ASAP2: variants seen among roughly 807,000 people sequenced by gnomAD.
ASAP2 encodes the protein arf-GAP with SH3 domain, ANK repeat and PH domain-containing protein 2.
ASAP2 carries 45 observed loss-of-function variants against 131.4 expected under a neutral mutation model. The ratio of observed to expected loss-of-function variants is 0.34; its 90% CI spans 0.27 to 0.44. The LOEUF is 0.44. ASAP2 is among the 20% of genes least tolerant of loss of function. The pLI is 1.00. For missense variants in ASAP2, 1,011 were observed against 1,297.0 expected, an observed-to-expected ratio of 0.78 and a Z score of 3.39; for synonymous variants, 510 against 503.0, an observed-to-expected ratio of 1.01 and a Z score of -0.19.
At chr2:9,369,927 C>T (rs1305637460) in intron 16 of ASAP2, among the ~76,000 whole-genome samples, 6 of 152,208 alleles carry the variant, frequency 3.9e-5, no homozygotes, top group South Asian at 2.1e-4. Context: ...CTGCAGCATC[C>T]GCCTCCTGGG....
chr2:9,263,140 C>T (rs1665694825), intron 1 of ASAP2, among the ~76,000 whole-genome samples: 1 of 152,198 alleles, frequency 6.6e-6, no homozygotes, highest in South Asian at 2.1e-4. Context: ...TTTCCACTGT[C>T]TCGGTGTCCC....
At chr2:9,288,593 G>A (rs1667611388) in intron 2 of ASAP2, among the ~76,000 whole-genome samples, 1 of 152,166 alleles carries the variant, frequency 6.6e-6, no homozygotes, top group Non-Finnish European at 1.5e-5. Flanking sequence ...ATTCTGTAAT[G>A]TAGCGAGTCA....
In ASAP2 at chr2:9,385,407, G is replaced by C. The variant is rs779925202; in HGVS notation, c.2130+49G>C. The C allele has an allele frequency of 1.0e-5, 14 of 1,395,274 alleles. No individual in the cohort carries two copies. The South Asian group carries it at 1.6e-4, about 16-fold the overall frequency. 86.4% of individuals were successfully genotyped at this position (1,395,274 alleles called of 1,614,324 possible). A position where few individuals can be genotyped will look rare whatever the true frequency, so the allele number is the denominator to read the frequency against. ...TAAGAGTTTTGATCAGCTTCATCCA[G>C]AACAGTGTGGGTCCTAATCTGTAAT... On this transcript the variant is annotated intron_variant, in intron 21 of 27. Transcript: ENST00000281419.
intron 3 of ASAP2, among the ~76,000 whole-genome samples, chr2:9,301,380 G>T (rs1668461954): frequency 6.6e-6 from 1 of 152,206 alleles, no homozygotes; most frequent in South Asian, 2.1e-4. Flanking sequence ...GATGCAGGAT[G>T]AAAGGGAAAA....
chr2:9,345,878 C>T (rs1671932530), intron 11 of ASAP2, among the ~76,000 whole-genome samples: 1 of 152,162 alleles, frequency 6.6e-6, no homozygotes, highest in African/African-American at 2.4e-5. Flanking sequence ...AAGCATGTCA[C>T]AGCAGCAAGG....
chr2:9,327,669 C>T (rs1209576634), intron 6 of ASAP2, among the ~76,000 whole-genome samples, 157 bp from the exon 7 acceptor site: 6 of 152,090 alleles, frequency 3.9e-5, no homozygotes, highest in Non-Finnish European at 7.4e-5. Context: ...AATAAAGAAA[C>T]GGTTACGGAA....
Position 9,336,820 on chromosome 2 carries a change from T to TCCAAGGTGG in ASAP2, c.849+1643_849+1651dup, listed in dbSNP as rs1349772530. ...TGCGAGGGCAGGAGCCAGAATGCCGTCCAAGGTGGCTGCTCCCCAGCGCAC... is the reference window on the plus strand; with the variant it reads ...TGCGAGGGCAGGAGCCAGAATGCCGTCCAAGGTGGCCAAGGTGGCTGCTCCCCAGCGCAC... On this transcript the variant is annotated intron_variant, in intron 9 of 27. Coordinates refer to ENST00000281419, the MANE Select transcript of ASAP2 (RefSeq NM_003887.3). Among the ~76,000 whole-genome samples the TCCAAGGTGG allele has an allele frequency of 2.0e-5, 3 of 152,300 alleles. No individual in the cohort carries two copies. In the East Asian group the frequency reaches 5.8e-4, roughly 29 times the overall value.
chr2:9,372,654 TAAAG>T (rs1409361875), intron 16 of ASAP2, among the ~76,000 whole-genome samples: 3 of 152,086 alleles, frequency 2.0e-5, no homozygotes, highest in Non-Finnish European at 4.4e-5. Flanking sequence ...CTAAGTGGGA[TAAAG>T]AAAGATCATA....
rs116096796 is a variant in ASAP2 at position 9,378,822 on chromosome 2, A to G, written c.1833-122A>G. 8.2e-3 allele frequency: 4,771 copies of G among 582,698 alleles called. 35 individuals are homozygous for G. Among genetic ancestry groups the G allele is most frequent in the Admixed American group, 0.021 (474 of 23,006 alleles). The allele number at this position is 582,698 out of a possible 1,614,324, so 36.1% of individuals were successfully genotyped here. ...CACCACCTTGGCGATGATTTACAGA[A>G]ACCGTTCACTCGGGGACTGTCTGCC... On this transcript the variant is annotated intron_variant, in intron 18 of 27. Coordinates refer to ENST00000281419, the MANE Select transcript of ASAP2 (RefSeq NM_003887.3).
chr2:9,370,390 T>C (rs557516699), intron 16 of ASAP2, among the ~76,000 whole-genome samples: 1 of 152,338 alleles, frequency 6.6e-6, no homozygotes, highest in Admixed American at 6.5e-5. Flanking sequence ...TCGCATTTCC[T>C]TGAGAATTGG....
intron 16 of ASAP2, among the ~76,000 whole-genome samples, chr2:9,371,257 G>A (rs1418696551): frequency 6.6e-6 from 1 of 152,184 alleles, no homozygotes. Flanking sequence ...CTTCTCAACT[G>A]AAATTACTTT....
rs1669275012 is a variant in ASAP2, at chr2:9,311,236, A to T, written c.346-7288A>T. 6.6e-6 allele frequency among the ~76,000 whole-genome samples: 1 copy of T among 152,020 alleles called. No individual in the cohort carries two copies. Among genetic ancestry groups the T allele is most frequent in the South Asian group, 2.1e-4 (1 of 4,808 alleles). On this transcript the variant is annotated intron_variant, in intron 3 of 27. Transcript: ENST00000281419. The surrounding 1 kb of genome is among the most constrained non-coding windows in gnomAD (Gnocchi z 5.2). ...GGGAGACCCTGTCTTGACAAAAAAT[A>T]AAAATAAAAAAATTAGCCAGGCATG...
rs368865655 is a variant in ASAP2 at position 9,391,200 on chromosome 2, C to T, written c.2518+4C>T. 1.0e-4 allele frequency: 168 copies of T among 1,609,018 alleles called. No homozygotes were observed. Among genetic ancestry groups the T allele is most frequent in the Non-Finnish European group, 1.3e-4 (153 of 1,177,302 alleles). Reference sequence around the variant, plus strand: ...CCTCTTCGCGTGACATCTACCAGTACGTTTTTTTCCTTTTTCCTTTCTTGC... The same window carrying T: ...CCTCTTCGCGTGACATCTACCAGTATGTTTTTTTCCTTTTTCCTTTCTTGC... On this transcript the variant is annotated splice_donor_region_variant and intron_variant, in intron 23 of 27. Coordinates refer to ENST00000281419, the MANE Select transcript of ASAP2 (RefSeq NM_003887.3).
chr2:9,254,004 G>A (rs1281466531), intron 1 of ASAP2, among the ~76,000 whole-genome samples: 7 of 151,146 alleles, frequency 4.6e-5, no homozygotes, highest in Non-Finnish European at 5.9e-5. Flanking sequence ...TTGGGAGTTC[G>A]AGACCAGCCT....
chr2:9,298,811 G>A (rs1374987743), intron 3 of ASAP2, among the ~76,000 whole-genome samples: 1 of 152,210 alleles, frequency 6.6e-6, no homozygotes, highest in African/African-American at 2.4e-5. Context: ...TGCACACAGA[G>A]CTGCCTGTTA....
intron 1 of ASAP2, among the ~76,000 whole-genome samples, chr2:9,242,883 T>C (rs1301952674): frequency 6.6e-6 from 1 of 152,186 alleles, no homozygotes; most frequent in Non-Finnish European, 1.5e-5. Context: ...AAGACATTGG[T>C]GCACATTAGC....
rs1343456832 is a variant in ASAP2 at position 9,404,636 on chromosome 2, A to G, written c.*1309A>G. On this transcript the variant is annotated 3_prime_UTR_variant, in exon 28 of 28. Coordinates refer to ENST00000281419, the MANE Select transcript of ASAP2 (RefSeq NM_003887.3). ...AACAAAAGTAAAGGAATAAATTTGC[A>G]TATAGGCTTGGAAAGTGAGGCAGCA... 1 of 152,616 alleles carries G rather than the reference A, an allele frequency of 6.6e-6. No individual in the cohort carries two copies. The highest frequency in any genetic ancestry group is 1.5e-5 in the Non-Finnish European group (1 of 68,044). The allele number at this position is 152,616 out of a possible 1,614,324, so 9.5% of individuals were successfully genotyped here.
intron 1 of ASAP2, among the ~76,000 whole-genome samples, chr2:9,276,387 G>C (rs1300558789): frequency 1.4e-4 from 22 of 152,116 alleles, no homozygotes; most frequent in Admixed American, 1.4e-3. Flanking sequence ...AAGTGATGGA[G>C]AATATGAGGA....
intron 1 of ASAP2, among the ~76,000 whole-genome samples, chr2:9,277,734 T>C (rs1384261356): frequency 1.3e-5 from 2 of 152,214 alleles, no homozygotes; most frequent in Admixed American, 6.5e-5. Context: ...ATATCTTTAC[T>C]TCACCTTAGG....
Sources: allele counts gnomAD v4.1 joint callset (sites outside exome capture counted in the v4.1 genomes callset), GRCh38; gene constraint gnomAD v4.1.1; non-coding constraint Gnocchi (gnomAD v3.1); transcripts MANE v1.5; gene names NCBI Gene and HGNC (gene_info 2026-07-23, HGNC 2026-07-21).